The following GPATCH2 variants were observed in gnomAD, a reference collection of about 807,000 sequenced individuals.
The protein encoded by GPATCH2 is G patch domain-containing protein 2.
Under a neutral mutation model 58.0 loss-of-function variants are expected in GPATCH2, and 51 were observed. The ratio of observed to expected loss-of-function variants is 0.88; its 90% confidence interval spans 0.70 to 1.11. The LOEUF (loss-of-function observed/expected upper bound fraction) is 1.11. Among genes scored for constraint, GPATCH2 ranks in the 50% most tolerant of loss-of-function variants. The pLI is 0.00. For missense variants in GPATCH2, 625 were observed against 652.2 expected (o/e 0.96, Z 0.45); for synonymous variants, 222 against 218.5 (o/e 1.02, Z -0.14).
chr1:217,435,991 C>T (rs532026), intron 9 of GPATCH2, among the ~76,000 whole-genome samples: 32,273 of 151,966 alleles, frequency 0.21, 4,430 homozygotes, highest in African/African-American at 0.39. Context: ...ATATGATGCA[C>T]TGACATTTAA....
intron 9 of GPATCH2, among the ~76,000 whole-genome samples, chr1:217,440,075 G>A (rs894446525): frequency 2.6e-5 from 4 of 151,836 alleles, no homozygotes; most frequent in African/African-American, 9.7e-5. Context: ...AAAATTTCAG[G>A]CTAATATCCC....
At chr1:217,624,338 T>G (rs539829431) in intron 1 of GPATCH2, among the ~76,000 whole-genome samples, 3 of 152,288 alleles carry the variant, frequency 2.0e-5, no homozygotes, top group Non-Finnish European at 4.4e-5. Context: ...GCCAACAAGC[T>G]GAAACCCCGT....
At chr1:217,588,608 TA>T (rs1213476761) in intron 5 of GPATCH2, among the ~76,000 whole-genome samples, 2 of 151,774 alleles carry the variant, frequency 1.3e-5, no homozygotes, top group Non-Finnish European at 2.9e-5. Flanking sequence ...TGAAATAGAG[TA>T]AAAAATAAAA....
chr1:217,498,420 T>C, intron 6 of GPATCH2, 25 bp from the exon 7 acceptor site: 3 of 1,602,588 alleles, frequency 1.9e-6, no homozygotes, highest in Non-Finnish European at 2.6e-6. Flanking sequence ...AAAAGGCAGT[T>C]AGAGGGAACC....
intron 7 of GPATCH2, among the ~76,000 whole-genome samples, chr1:217,495,401 A>G (rs1433269709): frequency 1.3e-5 from 2 of 152,172 alleles, no homozygotes; most frequent in Non-Finnish European, 2.9e-5. Context: ...TGTTCAGGTA[A>G]TTCCTCAAAT....
intron 8 of GPATCH2, among the ~76,000 whole-genome samples, chr1:217,456,339 C>T (rs1558405195): frequency 6.6e-6 from 1 of 152,184 alleles, no homozygotes; most frequent in Non-Finnish European, 1.5e-5. Flanking sequence ...TGTTCCACCT[C>T]CTGTTAGGGG....
At chr1:217,446,933 G>T (rs1248974170) in intron 9 of GPATCH2, among the ~76,000 whole-genome samples, 3 of 152,110 alleles carry the variant, frequency 2.0e-5, no homozygotes, top group Non-Finnish European at 4.4e-5. Flanking sequence ...CATATGTTCG[G>T]AGTGTTAGGA....
At chr1:217,510,957 G>A (rs1178581882) in intron 6 of GPATCH2, among the ~76,000 whole-genome samples, 1 of 152,008 alleles carries the variant, frequency 6.6e-6, no homozygotes, top group Non-Finnish European at 1.5e-5. Flanking sequence ...AATTATCTGG[G>A]CGTGGTGGCG....
At position 217,431,245 on chromosome 1, in the gene GPATCH2, G is replaced by A. The variant is rs773600640; in HGVS notation, c.1487C>T (p.Pro496Leu). Residue 496 changes from proline to leucine, a missense_variant, in exon 10 of 10, where the codon CCA (proline) becomes CTA (leucine). Transcript: ENST00000366935. Reference sequence around the variant, plus strand: ...CTTTGGCCTCTGCATGGCTTGAATTGGCTCAGAGATCCCCTTGCCATCTCG... The same window carrying A: ...CTTTGGCCTCTGCATGGCTTGAATTAGCTCAGAGATCCCCTTGCCATCTCG... The part of the protein sequence containing the change: ...LGRDGKGISE[P>L]IQAMQRPKGL... The A allele has an allele frequency of 6.2e-7, 1 of 1,609,134 alleles. No individual in the cohort carries two copies. The highest frequency in any genetic ancestry group is 8.5e-7 in the Non-Finnish European group (1 of 1,175,424).
chr1:217,621,698 A>G (rs1669196478), intron 1 of GPATCH2, among the ~76,000 whole-genome samples: 1 of 152,268 alleles, frequency 6.6e-6, no homozygotes, highest in African/African-American at 2.4e-5. Context: ...ACAATCATGT[A>G]TAGTCTCCAA....
chr1:217,564,248 A>G (rs1353741948), intron 5 of GPATCH2, among the ~76,000 whole-genome samples: 2 of 152,172 alleles, frequency 1.3e-5, no homozygotes, highest in Admixed American at 1.3e-4. Context: ...ACCAGATGAT[A>G]GCCATATATA....
At chr1:217,578,875 T>C (rs1055740547) in intron 5 of GPATCH2, among the ~76,000 whole-genome samples, 6 of 152,232 alleles carry the variant, frequency 3.9e-5, no homozygotes, top group African/African-American at 1.4e-4. Context: ...AGACTGCCAG[T>C]ATTTTCTTCC....
intron 9 of GPATCH2, among the ~76,000 whole-genome samples, chr1:217,448,996 A>C (rs968323870): frequency 7.2e-5 from 11 of 152,144 alleles, no homozygotes; most frequent in African/African-American, 2.7e-4. Flanking sequence ...TAGCCTTTGA[A>C]GTTTTTGTAT....
chr1:217,554,012 T>G (rs1665492158), intron 5 of GPATCH2, among the ~76,000 whole-genome samples: 1 of 152,208 alleles, frequency 6.6e-6, no homozygotes, highest in Non-Finnish European at 1.5e-5. Context: ...TTCGTCCAGA[T>G]GGGACCAACT....
chr1:217,461,274 T>A (rs1357768020), intron 8 of GPATCH2, among the ~76,000 whole-genome samples: 1 of 152,186 alleles, frequency 6.6e-6, no homozygotes, highest in Non-Finnish European at 1.5e-5. Flanking sequence ...TGCTTATTGG[T>A]GGAATTCAAT....
intron 8 of GPATCH2, among the ~76,000 whole-genome samples, chr1:217,449,988 C>A (rs946761243): frequency 3.3e-5 from 5 of 152,016 alleles, no homozygotes; most frequent in African/African-American, 1.2e-4. Context: ...GGACCTTCTG[C>A]TATTTTTGGA....
rs1665945528 is a variant in GPATCH2 at position 217,561,936 on chromosome 1, T to C, written c.1099-47047A>G. Among the ~76,000 whole-genome samples, 4 of 152,134 alleles carry C rather than the reference T, an allele frequency of 2.6e-5. No homozygotes were observed. In the South Asian group the frequency reaches 8.3e-4, roughly 32 times the overall value. On this transcript the variant is annotated intron_variant, in intron 5 of 9. Transcript: ENST00000366935. ...TCTGGGGACTGGTTCTAGTTTGTGT[T>C]TTCTCAAGCAGGTATACTGGAATTT...
At chr1:217,433,361 C>T (rs1453752659) in intron 9 of GPATCH2, among the ~76,000 whole-genome samples, 10 of 118,588 alleles carry the variant, frequency 8.4e-5, no homozygotes, top group African/African-American at 3.0e-4. Flanking sequence ...TTAAGCTGTT[C>T]ATATATATAT....
At chr1:217,613,641 CAT>C (rs1441504004) in intron 3 of GPATCH2, among the ~76,000 whole-genome samples, 8 of 151,934 alleles carry the variant, frequency 5.3e-5, no homozygotes, top group Non-Finnish European at 7.4e-5. Context: ...AGATGGAAAA[CAT>C]ATAAGTTGCA....
Sources: gnomAD v4.1 joint callset for allele counts (sites outside exome capture counted in the v4.1 genomes callset) on GRCh38, gnomAD v4.1.1 for gene constraint, MANE v1.5 for transcripts, NCBI Gene and HGNC (gene_info 2026-07-23, HGNC 2026-07-21) for gene names.